MYOM1: variants seen among roughly 807,000 people sequenced by gnomAD.
The protein encoded by MYOM1 is myomesin-1.
Under a neutral mutation model 205.3 loss-of-function variants are expected in MYOM1, and 164 were observed. That is an observed-to-expected ratio of 0.80 (90% confidence interval 0.70 to 0.91). The LOEUF is 0.91. Ranked by LOEUF, MYOM1 falls within the 40% of genes least tolerant of loss-of-function variation. The pLI is 0.00. For synonymous variants in MYOM1, 772 were observed against 789.4 expected, an observed-to-expected ratio of 0.98 and a Z score of 0.37; for missense variants, 2,011 against 2,127.3, an observed-to-expected ratio of 0.95 and a Z score of 1.08.
chr18:3,085,339 T>C (rs2079141120), intron 30 of MYOM1, among the ~76,000 whole-genome samples: 1 of 141,978 alleles, frequency 7.0e-6, no homozygotes. Context: ...CACTGTATCC[T>C]TGAACGCCTG....
intron 5 of MYOM1, among the ~76,000 whole-genome samples, chr18:3,180,632 CA>C (rs1027950305): frequency 1.3e-5 from 2 of 152,178 alleles, no homozygotes; most frequent in Non-Finnish European, 2.9e-5. Flanking sequence ...GATTACATAT[CA>C]AAAGCTTTCT....
chr18:3,174,568 A>T (rs1477569887), intron 6 of MYOM1, among the ~76,000 whole-genome samples: 1 of 152,208 alleles, frequency 6.6e-6, no homozygotes, highest in African/African-American at 2.4e-5. Flanking sequence ...CTAAAGTTGC[A>T]TTGGGAGGAG....
Position 3,142,039 on chromosome 18 carries a change from G to A in MYOM1, c.1925C>T (p.Thr642Ile), listed in dbSNP as rs1349755202. ...GGTGGCCTCAGTGACAGAGAGGTCT[G>A]TCGGGGGGCCAGGCACAATACCCTC... ...PSEGIVPGPP[T>I]DLSVTEATRS... The change falls in exon 14 of 38, where the codon ACA becomes ATA. Residue 642 changes from threonine (T) to isoleucine (I), a missense_variant. By Grantham distance (89) the Thr-to-Ile change is moderately conservative (BLOSUM62 -1). Transcript: ENST00000356443. The A allele has an allele frequency of 1.2e-6, 2 of 1,613,670 alleles. No individual in the cohort carries two copies. Among genetic ancestry groups the A allele is most frequent in the Non-Finnish European group, 1.7e-6 (2 of 1,179,808 alleles).
chr18:3,103,237 A>G (rs1427709996), intron 22 of MYOM1, among the ~76,000 whole-genome samples: 2 of 152,258 alleles, frequency 1.3e-5, no homozygotes, highest in Non-Finnish European at 2.9e-5. Flanking sequence ...TCACAGAACC[A>G]TAAATCAATT....
Position 3,186,749 on chromosome 18 carries a change from G to A in MYOM1, c.929+731C>T, listed in dbSNP as rs371100434. ...AATAAGAAAGGAAGAAAGAAAGAGA[G>A]AAAGAAGGAAGGAAGGAAAGGAAGG... On this transcript the variant is annotated intron_variant, in intron 5 of 37. Coordinates refer to ENST00000356443, the MANE Select transcript of MYOM1 (RefSeq NM_003803.4). 4.1e-3 allele frequency among the ~76,000 whole-genome samples: 601 copies of A among 147,664 alleles called. 5 individuals carry two copies. The highest frequency in any genetic ancestry group is 0.014 in the African/African-American group (564 of 39,806).
chr18:3,080,202 T>C (rs2079068527), intron 33 of MYOM1, among the ~76,000 whole-genome samples: 1 of 152,182 alleles, frequency 6.6e-6, no homozygotes, highest in Admixed American at 6.5e-5. Flanking sequence ...GTAACCATCA[T>C]GCATAGAAAA....
chr18:3,187,626 G>T lies in MYOM1; in HGVS notation c.783C>A (p.Thr261=). The T allele has an allele frequency of 6.3e-7, 1 of 1,597,862 alleles. No individual in the cohort carries two copies. The highest frequency in any genetic ancestry group is 8.6e-7 in the Non-Finnish European group (1 of 1,168,658). The change falls in exon 5 of 38, where the codon ACC becomes ACA. Residue 261 remains threonine (T), a synonymous_variant. Coordinates refer to ENST00000356443, the MANE Select transcript of MYOM1 (RefSeq NM_003803.4). ...CATTCAGCTTGGCATGATATGTCTC[G>T]GTTTCTTCTAACTGAAAAAACAAAT... ...RLSLRKTLEE[T]ETYHAKLNED...
chr18:3,191,026 T>C (rs1351407767), intron 3 of MYOM1, among the ~76,000 whole-genome samples: 3 of 152,202 alleles, frequency 2.0e-5, no homozygotes, highest in Admixed American at 6.5e-5. Flanking sequence ...TTAAAAAGTA[T>C]GTTAGACCCA....
chr18:3,217,321 T>G (rs999157716), intron 1 of MYOM1, among the ~76,000 whole-genome samples: 9 of 152,220 alleles, frequency 5.9e-5, no homozygotes, highest in African/African-American at 2.2e-4. Context: ...CCAATGGCAT[T>G]TGCTGAAAGT....
chr18:3,148,862 A>G (rs1288790419), intron 13 of MYOM1, among the ~76,000 whole-genome samples: 7 of 150,634 alleles, frequency 4.6e-5, no homozygotes, highest in South Asian at 4.2e-4. Flanking sequence ...AAAAAAAAAA[A>G]AAAAAAAAAA....
intron 25 of MYOM1, among the ~76,000 whole-genome samples, 174 bp downstream of exon 25, chr18:3,099,985 G>A (rs756641289): frequency 2.0e-5 from 3 of 152,144 alleles, no homozygotes; most frequent in Non-Finnish European, 2.9e-5. Context: ...GAGAACAACC[G>A]CAAAGGAAAA....
rs180824784 is a variant in MYOM1, at chr18:3,179,959, C to T, written c.930-3825G>A. On this transcript the variant is annotated intron_variant, in intron 5 of 37. Coordinates refer to ENST00000356443, the MANE Select transcript of MYOM1 (RefSeq NM_003803.4). This position sits in a 1 kb window ranked among gnomAD's most constrained non-coding sequence, Gnocchi z 4.4. ...GACTCAGTGACACTCAATTCGGCTTCGGATCAAAAGTATTGCTCATATCTC... is the reference window on the plus strand; with the variant it reads ...GACTCAGTGACACTCAATTCGGCTTTGGATCAAAAGTATTGCTCATATCTC... Among the ~76,000 whole-genome samples the T allele has an allele frequency of 6.6e-5, 10 of 152,180 alleles. No individual in the cohort carries two copies. Among genetic ancestry groups the T allele is most frequent in the Middle Eastern group, 3.4e-3 (1 of 294 alleles).
rs1193624655 is a variant in MYOM1, at chr18:3,100,140, A to C, written c.3727+19T>G. 1.2e-6 allele frequency: 2 copies of C among 1,613,478 alleles called. No homozygotes were observed. The highest frequency in any genetic ancestry group is 4.5e-5 in the East Asian group (2 of 44,868). On this transcript the variant is annotated intron_variant, in intron 25 of 37. Coordinates refer to ENST00000356443, the MANE Select transcript of MYOM1 (RefSeq NM_003803.4). Reference sequence around the variant, plus strand: ...TAGTAAGACTGCTAAAAACCTGTGAATGTATTGTGGATACTTACTTGGGAA... The same window carrying C: ...TAGTAAGACTGCTAAAAACCTGTGACTGTATTGTGGATACTTACTTGGGAA...
In MYOM1 at chr18:3,164,202, T is replaced by C. The variant is rs992078883; in HGVS notation, c.1501+76A>G. 14 of 1,445,696 alleles carry C rather than the reference T, an allele frequency of 9.7e-6. No individual in the cohort carries two copies. The South Asian group carries it at 1.5e-4, about 16-fold the overall frequency. The allele number at this position is 1,445,696 out of a possible 1,614,324, so 89.6% of individuals were successfully genotyped here. A position where few individuals can be genotyped will look rare whatever the true frequency, so the allele number is the denominator to read the frequency against. Reference sequence around the variant, plus strand: ...CCATCATTATGAAACATGTTTGAACTGTTTTGTAATCAAAAACTGCTTTGG... The same window carrying C: ...CCATCATTATGAAACATGTTTGAACCGTTTTGTAATCAAAAACTGCTTTGG... On this transcript the variant is annotated intron_variant, in intron 10 of 37. Coordinates refer to ENST00000356443, the MANE Select transcript of MYOM1 (RefSeq NM_003803.4).
At chr18:3,183,564 C>T (rs564463308) in intron 5 of MYOM1, among the ~76,000 whole-genome samples, 15 of 152,254 alleles carry the variant, frequency 9.9e-5, no homozygotes, top group East Asian at 5.8e-4. Flanking sequence ...GCCCGCCACA[C>T]GTGCCTTTGA....
At chr18:3,169,821 A>G (rs2080529694) in intron 8 of MYOM1, among the ~76,000 whole-genome samples, 1 of 152,244 alleles carries the variant, frequency 6.6e-6, no homozygotes, top group African/African-American at 2.4e-5. Flanking sequence ...GGAAAACAAT[A>G]TATAGCAGAG....
At chr18:3,164,202 T>G (rs992078883) in intron 10 of MYOM1, 76 bp downstream of exon 10, 6 of 1,445,696 alleles carry the variant, frequency 4.2e-6, no homozygotes, top group Non-Finnish European at 5.7e-6. Context: ...ATGTTTGAAC[T>G]GTTTTGTAAT....
intron 21 of MYOM1, among the ~76,000 whole-genome samples, chr18:3,113,116 T>A (rs12962136): frequency 0.89 from 118,498 of 132,988 alleles, 53,748 homozygotes; most frequent in East Asian, 0.98. Flanking sequence ...CTAGAATTAC[T>A]AAGAGCTGTA....
At chr18:3,165,043 G>T (rs893136306) in intron 9 of MYOM1, among the ~76,000 whole-genome samples, 1 of 152,146 alleles carries the variant, frequency 6.6e-6, no homozygotes, top group African/African-American at 2.4e-5. Context: ...TTCTGCTGAT[G>T]TAACTGTTAC....
Sources: allele counts gnomAD v4.1 joint callset (sites outside exome capture counted in the v4.1 genomes callset), GRCh38; gene constraint gnomAD v4.1.1; non-coding constraint Gnocchi (gnomAD v3.1); transcripts MANE v1.5; gene names NCBI Gene and HGNC (gene_info 2026-07-23, HGNC 2026-07-21).